The following CMAS variants were observed in gnomAD, a reference collection of about 807,000 sequenced individuals.
CMAS encodes cytidine monophosphate N-acetylneuraminic acid synthetase, also known as N-acylneuraminate cytidylyltransferase.
In CMAS, 21 loss-of-function variants were observed where a neutral mutation model predicts 53.4. The ratio of observed to expected loss-of-function variants is 0.39; its 90% CI spans 0.28 to 0.57. The LOEUF (loss-of-function observed/expected upper bound fraction) is 0.57, where lower values mean the gene tolerates loss of function less well. Ranked by LOEUF, CMAS falls within the 20% of genes least tolerant of loss-of-function variation. The pLI is 0.56. For synonymous variants in CMAS, 189 were observed against 195.2 expected (o/e 0.97, Z 0.27); for missense variants, 384 against 534.9 (o/e 0.72, Z 2.78).
intron 4 of CMAS, among the ~76,000 whole-genome samples, chr12:22,060,333 TAAAAAAAAAAAAAAAAAA>T (rs58755366): frequency 1.5e-4 from 8 of 54,136 alleles, no homozygotes; most frequent in Non-Finnish European, 2.4e-4. Context: ...GCTTTCTCCT[TAAAAAAAAAAAAAAAAAA>T]AAAAAAAAAG....
Position 22,057,232 on chromosome 12 carries a change from CACACACAT to C in CMAS, c.560-1327_560-1320del, listed in dbSNP as rs770313406. On this transcript the variant is annotated intron_variant, in intron 3 of 7. Transcript: ENST00000229329. ...CTGGAGAGTAACCAGCTATTACACA[CACACACAT>C]ACACACACACACACACACACACACA... 7.2e-3 allele frequency among the ~76,000 whole-genome samples: 891 copies of C among 123,920 alleles called. 1 individual carries two copies. The highest frequency in any genetic ancestry group is 0.013 in the African/African-American group (427 of 32,208). The allele number at this position is 123,920 out of a possible 152,430, so 81.3% of individuals were successfully genotyped here.
intron 4 of CMAS, among the ~76,000 whole-genome samples, chr12:22,060,299 G>A (rs1014717062): frequency 8.4e-6 from 1 of 119,026 alleles, no homozygotes; most frequent in Admixed American, 1.1e-4. Flanking sequence ...TTTGAAAAAT[G>A]TTAAGGTTAT....
intron 3 of CMAS, among the ~76,000 whole-genome samples, chr12:22,057,240 TAC>T (rs71053372): frequency 0.39 from 46,013 of 117,844 alleles, 8,286 homozygotes; most frequent in Non-Finnish European, 0.45. Context: ...CACACACACA[TAC>T]ACACACACAC....
intron 7 of CMAS, chr12:22,063,961 A>T (rs921223782): frequency 1.3e-5 from 2 of 152,016 alleles, no homozygotes; most frequent in African/African-American, 2.4e-5. Flanking sequence ...TCACTCACCA[A>T]TGTTTTATAT....
chr12:22,055,648 T>A, intron 3 of CMAS, 38 bp downstream of exon 3: 1 of 1,567,196 alleles, frequency 6.4e-7, no homozygotes, highest in Non-Finnish European at 8.7e-7. Context: ...CTGATTTTAT[T>A]GAGAATCAAT....
chr12:22,064,907 A>G (rs1438895476), intron 7 of CMAS, among the ~76,000 whole-genome samples: 2 of 152,162 alleles, frequency 1.3e-5, no homozygotes, highest in Non-Finnish European at 2.9e-5. Context: ...TCTCTAGCTC[A>G]TAAGAGTTTA....
chr12:22,058,807 A>G (rs559177561), intron 4 of CMAS, 107 bp downstream of exon 4: 7 of 1,329,810 alleles, frequency 5.3e-6, no homozygotes, highest in Non-Finnish European at 6.1e-6. Flanking sequence ...AAAAGTATCA[A>G]CCTATAGAGG....
intron 1 of CMAS, among the ~76,000 whole-genome samples, chr12:22,050,659 A>C (rs750166922): frequency 2.0e-5 from 3 of 152,142 alleles, no homozygotes; most frequent in African/African-American, 4.8e-5. Context: ...TTTGTAAGCC[A>C]GATCGTCTTT....
At position 22,055,609 on chromosome 12, in the gene CMAS, A is replaced by C. The variant is rs747784089; in HGVS notation, c.558A>C (p.Gly186=). ...HQFRWSEIQK[G]VREVTEPLNL... Reference sequence around the variant, plus strand: ...TTCGATGGAGTGAAATTCAGAAAGGAGGTAATCTCTTTTCAGTCTTTATTT... The same window carrying C: ...TTCGATGGAGTGAAATTCAGAAAGGCGGTAATCTCTTTTCAGTCTTTATTT... Residue 186 remains glycine (G), a splice_region_variant and synonymous_variant, in exon 3 of 8, where the codon GGA becomes GGC. Transcript: ENST00000229329. The C allele has an allele frequency of 1.7e-5, 28 of 1,606,740 alleles. No homozygotes were observed. Among genetic ancestry groups the C allele is most frequent in the Non-Finnish European group, 2.4e-5 (28 of 1,178,366 alleles).
Position 22,062,145 on chromosome 12 carries a change from G to C in CMAS, c.961-136G>C, listed in dbSNP as rs147868877. 4.2e-3 allele frequency: 2,841 copies of C among 668,858 alleles called. 64 individuals carry two copies. In the African/African-American group the frequency reaches 0.047, roughly 11 times the overall value. The allele number at this position is 668,858 out of a possible 1,614,324, so 41.4% of individuals were successfully genotyped here. On this transcript the variant is annotated intron_variant, in intron 6 of 7. Coordinates refer to ENST00000229329, the MANE Select transcript of CMAS (RefSeq NM_018686.6). ...ATTCGACAGTCAGTTTTCTTACTTG[G>C]ACCTTCAGAAAGTCAAAAGATGACT...
chr12:22,050,073 C>T (rs1035571187), intron 1 of CMAS, among the ~76,000 whole-genome samples: 5 of 152,198 alleles, frequency 3.3e-5, no homozygotes, highest in South Asian at 2.1e-4. Context: ...ATAGAAGGGA[C>T]CAGCACTTCT....
intron 1 of CMAS, among the ~76,000 whole-genome samples, chr12:22,054,152 C>T (rs1301804666): frequency 2.0e-5 from 3 of 151,936 alleles, no homozygotes; most frequent in Non-Finnish European, 4.4e-5. Flanking sequence ...GTCTCCATCT[C>T]GTGACCTCAG....
chr12:22,057,494 T>C (rs1192718660), intron 3 of CMAS, among the ~76,000 whole-genome samples: 2 of 152,186 alleles, frequency 1.3e-5, no homozygotes, highest in African/African-American at 4.8e-5. Context: ...ATATAAAATC[T>C]TCAATAATTT....
At position 22,065,193 on chromosome 12, in the gene CMAS, C is replaced by T; in HGVS notation, c.1187C>T (p.Thr396Ile). ...LSGAPADACS[T>I]AQKAVGYICK... ...GGCGCTCCTGCTGATGCCTGTTCTA[C>T]TGCCCAGAAGGCTGTTGGATACATT... The change falls in exon 8 of 8, where the codon ACT becomes ATT. Residue 396 changes from threonine (T) to isoleucine (I), a missense_variant. Physicochemically the swap from Thr to Ile is moderately conservative, Grantham distance 89 (BLOSUM62 -1). Coordinates refer to ENST00000229329, the MANE Select transcript of CMAS (RefSeq NM_018686.6). The T allele has an allele frequency of 6.2e-7, 1 of 1,614,072 alleles. No homozygotes were observed. The highest frequency in any genetic ancestry group is 8.5e-7 in the Non-Finnish European group (1 of 1,179,948).
At position 22,047,671 on chromosome 12, in the gene CMAS, A is replaced by G. The variant is rs114214924; in HGVS notation, c.260+1108A>G. ...CCACTCAGAAGATAACACTAGTGCA[A>G]TAGGAAGTGTGCGAAGGAGAGATAG... is the stretch of plus-strand genomic sequence containing the variant. On this transcript the variant is annotated intron_variant, in intron 1 of 7. Transcript: ENST00000229329. Among the ~76,000 whole-genome samples, 220 of 152,306 alleles carry G rather than the reference A, an allele frequency of 1.4e-3. 1 individual carries two copies. The highest frequency in any genetic ancestry group is 5.2e-3 in the African/African-American group (216 of 41,570).
At chr12:22,046,606 C>G (rs373255619) in intron 1 of CMAS, 43 bp downstream of exon 1, 5 of 1,468,384 alleles carry the variant, frequency 3.4e-6, no homozygotes, top group Non-Finnish European at 3.6e-6. Context: ...GGGCGGGGGT[C>G]GGGAGAGGGA....
chr12:22,046,499 C>T lies in CMAS; in HGVS notation c.196C>T (p.Leu66=), dbSNP rs140344263. ...KGIPLKNIKH[L]AGVPLIGWVL... is the part of the protein sequence containing the mutation. The stretch of plus-strand genomic sequence containing the variant: ...CATCCCCCTGAAGAACATTAAGCAC[C>T]TGGCGGGGGTCCCGCTCATTGGCTG... The change falls in exon 1 of 8, where the codon CTG becomes TTG. Residue 66 remains leucine, a synonymous_variant. Coordinates refer to ENST00000229329, the MANE Select transcript of CMAS (RefSeq NM_018686.6). 2.5e-6 allele frequency: 4 copies of T among 1,607,942 alleles called. No homozygotes were observed. Among genetic ancestry groups the T allele is most frequent in the East Asian group, 2.3e-5 (1 of 44,396 alleles).
rs745988418 is a variant in CMAS, at chr12:22,046,575, C to A, written c.260+12C>A. 8 of 1,523,674 alleles carry A rather than the reference C, an allele frequency of 5.3e-6. No individual in the cohort carries two copies. The highest frequency in any genetic ancestry group is 2.1e-5 in the Admixed American group (1 of 48,436). The allele number at this position is 1,523,674 out of a possible 1,614,324, so 94.4% of individuals were successfully genotyped here. A position where few individuals can be genotyped will look rare whatever the true frequency, so the allele number is the denominator to read the frequency against. ...GGGGCCTTCCAGAGGTGCGCATGTG[C>A]GAGAGTGGGCGGCGCGGCCTGGGCG... On this transcript the variant is annotated intron_variant, in intron 1 of 7. Transcript: ENST00000229329.
At chr12:22,053,470 GTA>G (rs1950248428) in intron 1 of CMAS, among the ~76,000 whole-genome samples, 1 of 148,588 alleles carries the variant, frequency 6.7e-6, no homozygotes, top group South Asian at 2.1e-4. Context: ...AAAATAATGT[GTA>G]TATATGTTTG....
Sources: gnomAD v4.1 joint callset for allele counts (sites outside exome capture counted in the v4.1 genomes callset) on GRCh38, gnomAD v4.1.1 for gene constraint, MANE v1.5 for transcripts, NCBI Gene and HGNC (gene_info 2026-07-23, HGNC 2026-07-21) for gene names.